SLC25A21: variants seen among roughly 807,000 people sequenced by gnomAD.
The protein encoded by SLC25A21 is solute carrier family 25 member 21.
SLC25A21 carries 47 observed loss-of-function variants against 43.8 expected under a neutral mutation model. That is an observed-to-expected ratio of 1.07 (90% CI 0.85 to 1.37). SLC25A21 has a LOEUF of 1.37. Ranked by LOEUF, SLC25A21 falls within the 40% of genes most tolerant of loss-of-function variation. SLC25A21 has a pLI of 0.00. For synonymous variants in SLC25A21, 131 were observed against 121.3 expected (o/e 1.08, Z -0.52); for missense variants, 352 against 350.2 (o/e 1.00, Z -0.04).
In SLC25A21 at chr14:37,171,169, A is replaced by G. The variant is rs961717111; in HGVS notation, c.70+1112T>C. Among the ~76,000 whole-genome samples, 4 of 150,396 alleles carry G rather than the reference A, an allele frequency of 2.7e-5. No homozygotes were observed. The South Asian group carries it at 6.3e-4, about 24-fold the overall frequency. ...GGGAGGGGAGGGGAAAGATTTTACA[A>G]TTTCCTGTAAGCAATGAATGGCTCT... On this transcript the variant is annotated intron_variant, in intron 1 of 9. Coordinates refer to ENST00000331299, the MANE Select transcript of SLC25A21 (RefSeq NM_030631.4).
At chr14:36,966,748 T>C (rs558667788) in intron 1 of SLC25A21, among the ~76,000 whole-genome samples, 7 of 152,308 alleles carry the variant, frequency 4.6e-5, no homozygotes, top group African/African-American at 1.7e-4. Context: ...CTTTCTTCTA[T>C]TGAAATTAAA....
At chr14:36,703,893 T>C (rs1883385319) in intron 7 of SLC25A21, among the ~76,000 whole-genome samples, 1 of 152,222 alleles carries the variant, frequency 6.6e-6, no homozygotes, top group African/African-American at 2.4e-5. Context: ...AGCATTTAAG[T>C]TAATCAGTAT....
chr14:37,097,024 T>C (rs1339251495), intron 1 of SLC25A21: 1 of 146,082 alleles, frequency 6.8e-6, no homozygotes, highest in Non-Finnish European at 1.5e-5. Flanking sequence ...GCTGGTTTTT[T>C]TTTTGTTTTT....
At chr14:36,846,722 T>C (rs1889556417) in intron 2 of SLC25A21, among the ~76,000 whole-genome samples, 1 of 152,128 alleles carries the variant, frequency 6.6e-6, no homozygotes, top group African/African-American at 2.4e-5. Flanking sequence ...TGTCCATCCA[T>C]CCATTCAACA....
At chr14:37,088,247 C>T (rs548882375) in intron 1 of SLC25A21, among the ~76,000 whole-genome samples, 11 of 152,096 alleles carry the variant, frequency 7.2e-5, no homozygotes, top group Non-Finnish European at 1.5e-4. Flanking sequence ...TGCATACAAG[C>T]TCTAAAAATA....
At chr14:36,816,348 A>G (rs866313342) in intron 2 of SLC25A21, among the ~76,000 whole-genome samples, 18 of 152,156 alleles carry the variant, frequency 1.2e-4, no homozygotes, top group African/African-American at 3.6e-4. Context: ...CAGGGAGAAC[A>G]GTTAGGAAGG....
rs1566485359 is a variant in SLC25A21, at chr14:36,680,005, T to TAATTATC, written c.*652_*653insGATAATT. ...ACAATGTTTTAAAATACCTATTTAT[T>TAATTATC]ATCTTACAGCAATATGAGATATAAA... On this transcript the variant is annotated 3_prime_UTR_variant, in exon 10 of 10. Transcript: ENST00000331299. 1.2e-6 allele frequency: 1 copy of TAATTATC among 822,618 alleles called. No individual in the cohort carries two copies. Among genetic ancestry groups the TAATTATC allele is most frequent in the Non-Finnish European group, 1.5e-6 (1 of 682,982 alleles). The allele number at this position is 822,618 out of a possible 1,614,324, so 51.0% of individuals were successfully genotyped here.
At chr14:37,148,762 A>G (rs970564364) in intron 1 of SLC25A21, among the ~76,000 whole-genome samples, 2 of 152,172 alleles carry the variant, frequency 1.3e-5, no homozygotes, top group Non-Finnish European at 2.9e-5. Context: ...CTCACTCTTC[A>G]TAAGACTTAA....
chr14:36,887,519 C>T (rs1032556175), intron 1 of SLC25A21, among the ~76,000 whole-genome samples: 43 of 149,978 alleles, frequency 2.9e-4, no homozygotes, highest in African/African-American at 9.6e-4. Context: ...GCAGAGATCA[C>T]GCCACTGCAC....
chr14:36,812,259 A>C (rs1888296687), intron 3 of SLC25A21, among the ~76,000 whole-genome samples: 1 of 152,106 alleles, frequency 6.6e-6, no homozygotes, highest in South Asian at 2.1e-4. Context: ...CAGATATATC[A>C]AATAATGATT....
chr14:36,697,999 T>C (rs927841796), intron 7 of SLC25A21, among the ~76,000 whole-genome samples: 4 of 152,234 alleles, frequency 2.6e-5, no homozygotes, highest in African/African-American at 9.6e-5. Context: ...ATGCAGTTTC[T>C]TCATAGCATC....
intron 2 of SLC25A21, among the ~76,000 whole-genome samples, chr14:36,822,575 T>C (rs1178284463): frequency 1.3e-5 from 2 of 152,202 alleles, no homozygotes; most frequent in Non-Finnish European, 2.9e-5. Flanking sequence ...TGAAAAAATA[T>C]GTAACCTGGA....
chr14:36,681,584 CTG>C lies in SLC25A21; in HGVS notation c.839-867_839-866del, dbSNP rs146029356. Among the ~76,000 whole-genome samples the C allele has an allele frequency of 6.3e-3, 956 of 152,224 alleles. 12 individuals are homozygous for C. Among genetic ancestry groups the C allele is most frequent in the African/African-American group, 0.022 (922 of 41,524 alleles). On this transcript the variant is annotated intron_variant, in intron 9 of 9. Coordinates refer to ENST00000331299, the MANE Select transcript of SLC25A21 (RefSeq NM_030631.4). The stretch of plus-strand genomic sequence containing the variant: ...TCTCTTTTTATCCTTTTATGTCTAA[CTG>C]TGTGAAAAACATCACAAAATCAAAA...
chr14:36,881,778 C>T lies in SLC25A21; in HGVS notation c.71-6774G>A, dbSNP rs1223654845. ...CCTTCCCACACTACCTCTGCCTTTA[C>T]CTAGGAACAGTGTTGCAATGGGCTT... On this transcript the variant is annotated intron_variant, in intron 1 of 9. Coordinates refer to ENST00000331299, the MANE Select transcript of SLC25A21 (RefSeq NM_030631.4). Among the ~76,000 whole-genome samples the T allele has an allele frequency of 2.6e-5, 4 of 152,108 alleles. No individual in the cohort carries two copies. In the East Asian group the frequency reaches 5.8e-4, roughly 22 times the overall value.
In SLC25A21 at chr14:36,679,597, A is replaced by T; in HGVS notation, c.*1061T>A. 5 of 985,348 alleles carry T rather than the reference A, an allele frequency of 5.1e-6. No individual in the cohort carries two copies. Among genetic ancestry groups the T allele is most frequent in the Non-Finnish European group, 6.0e-6 (5 of 829,872 alleles). 61.0% of individuals were successfully genotyped at this position (985,348 alleles called of 1,614,324 possible). On this transcript the variant is annotated 3_prime_UTR_variant, in exon 10 of 10. Transcript: ENST00000331299. ...AGTATAGTAATCCTTAGAAATGCTA[A>T]GTGTATTTCTTTTTCAGAACATTTC... is the stretch of plus-strand genomic sequence containing the variant.
chr14:37,100,810 G>A (rs999686321), intron 1 of SLC25A21, among the ~76,000 whole-genome samples: 6 of 152,306 alleles, frequency 3.9e-5, no homozygotes, highest in South Asian at 2.1e-4. Flanking sequence ...CTCAGTTTCC[G>A]TATGAAAGGA....
intron 1 of SLC25A21, among the ~76,000 whole-genome samples, chr14:36,937,588 G>A (rs556323419): frequency 2.6e-5 from 4 of 152,286 alleles, no homozygotes; most frequent in East Asian, 3.9e-4. Context: ...ATGGAACTAC[G>A]GTGGTTGAGA....
chr14:37,143,297 C>T (rs1173459548), intron 1 of SLC25A21, among the ~76,000 whole-genome samples: 1 of 152,160 alleles, frequency 6.6e-6, no homozygotes, highest in Non-Finnish European at 1.5e-5. Context: ...ACTAAGCACC[C>T]GCCTGCTGGC....
intron 1 of SLC25A21, among the ~76,000 whole-genome samples, chr14:37,096,418 G>A (rs901756626): frequency 6.6e-6 from 1 of 152,066 alleles, no homozygotes; most frequent in African/African-American, 2.4e-5. Context: ...TCTAGGTTTG[G>A]AAAGTTCTCT....
Sources: gnomAD v4.1 joint callset for allele counts (sites outside exome capture counted in the v4.1 genomes callset) on GRCh38, gnomAD v4.1.1 for gene constraint, MANE v1.5 for transcripts, NCBI Gene and HGNC (gene_info 2026-07-23, HGNC 2026-07-21) for gene names.